Variants in LCORL observed in about 807,000 individuals in gnomAD.
The protein encoded by LCORL is ligand dependent nuclear receptor corepressor like.
Under a neutral mutation model 141.8 loss-of-function variants are expected in LCORL, and 41 were observed. The observed-to-expected ratio is 0.29, with a 90% CI of 0.23 to 0.38. The LOEUF (loss-of-function observed/expected upper bound fraction) is 0.38. Among genes scored for constraint, LCORL ranks in the 10% least tolerant of loss-of-function variants. The pLI, the probability that LCORL is intolerant of heterozygous loss-of-function variation, is 1.00. For synonymous variants in LCORL, 618 were observed against 694.1 expected (o/e 0.89, Z 1.72); for missense variants, 1,759 against 2,035.0 (o/e 0.86, Z 2.61).
intron 4 of LCORL, among the ~76,000 whole-genome samples, chr4:17,935,237 G>C (rs1736653625): frequency 6.6e-6 from 1 of 152,152 alleles, no homozygotes; most frequent in African/African-American, 2.4e-5. Flanking sequence ...AACTATCAAT[G>C]ATAGCAGTGC....
chr4:17,993,931 G>C (rs1478310480), intron 1 of LCORL, among the ~76,000 whole-genome samples: 1 of 152,170 alleles, frequency 6.6e-6, no homozygotes, highest in Non-Finnish European at 1.5e-5. Flanking sequence ...ATTATTTTGA[G>C]GTGGGAGTGA....
intron 2 of LCORL, among the ~76,000 whole-genome samples, chr4:17,963,941 T>C (rs1036723859): frequency 2.6e-4 from 39 of 152,062 alleles, no homozygotes; most frequent in Non-Finnish European, 2.4e-4. Flanking sequence ...TTTCATACTT[T>C]TGAAATACAT....
intron 1 of LCORL, among the ~76,000 whole-genome samples, chr4:18,018,338 G>A (rs1490835109): frequency 6.6e-6 from 1 of 152,054 alleles, no homozygotes; most frequent in Non-Finnish European, 1.5e-5. Flanking sequence ...ATGAGCTACT[G>A]AAAACTATAA....
At chr4:17,959,107 G>A (rs374497910) in intron 4 of LCORL, among the ~76,000 whole-genome samples, 10 of 152,036 alleles carry the variant, frequency 6.6e-5, no homozygotes, top group East Asian at 3.9e-4. Context: ...GTCTTGAGAC[G>A]GTTTAATGCC....
chr4:17,928,637 T>C (rs1388804870), intron 4 of LCORL, among the ~76,000 whole-genome samples: 1 of 152,170 alleles, frequency 6.6e-6, no homozygotes, highest in African/African-American at 2.4e-5. Flanking sequence ...TGGTACTTAA[T>C]GGTGAAAAGC....
intron 4 of LCORL, among the ~76,000 whole-genome samples, chr4:17,925,351 A>C (rs1734950815): frequency 6.6e-6 from 1 of 152,176 alleles, no homozygotes; most frequent in South Asian, 2.1e-4. Flanking sequence ...GTCAATGGGA[A>C]ACTACAGAAG....
intron 6 of LCORL, chr4:17,881,056 T>A (rs907921306): frequency 1.0e-6 from 1 of 977,806 alleles, no homozygotes; most frequent in East Asian, 1.1e-4. Context: ...AAAGTTAGTA[T>A]ACAATTTAAT....
At chr4:17,904,276 G>C (rs1731294495) in intron 5 of LCORL, among the ~76,000 whole-genome samples, 1 of 151,798 alleles carries the variant, frequency 6.6e-6, no homozygotes, top group Non-Finnish European at 1.5e-5. Context: ...TCTGAGACTT[G>C]TCTTTGCCTA....
At position 17,869,910 on chromosome 4, in the gene LCORL, T is replaced by G. The variant is rs950442793; in HGVS notation, c.5602+3478A>C. Among the ~76,000 whole-genome samples, 7 of 152,182 alleles carry G rather than the reference T, an allele frequency of 4.6e-5. No homozygotes were observed. In the East Asian group the frequency reaches 1.3e-3, roughly 29 times the overall value. On this transcript the variant is annotated intron_variant, in intron 7 of 7. Transcript: ENST00000635767. ...CAAAAACCTGGATGTTCTCCCTTTTTTCTTCTAATCTTTAAGACATTGATT... is the reference window on the plus strand; with the variant it reads ...CAAAAACCTGGATGTTCTCCCTTTTGTCTTCTAATCTTTAAGACATTGATT...
chr4:17,848,489 A>G (rs956428624), intron 7 of LCORL, among the ~76,000 whole-genome samples: 3 of 152,234 alleles, frequency 2.0e-5, no homozygotes, highest in African/African-American at 7.2e-5. Context: ...AGCTGAGACT[A>G]CAAGTGTGTG....
At chr4:17,983,231 T>C (rs1414441567) in intron 1 of LCORL, among the ~76,000 whole-genome samples, 1 of 152,230 alleles carries the variant, frequency 6.6e-6, no homozygotes, top group East Asian at 1.9e-4. Context: ...TTGCTTAGGA[T>C]TGCCTTGGCT....
chr4:17,882,548 T>C, intron 6 of LCORL: 1 of 984,724 alleles, frequency 1.0e-6, no homozygotes. Context: ...AGAGTTTACA[T>C]TACTGAAAGT....
intron 5 of LCORL, among the ~76,000 whole-genome samples, chr4:17,906,724 G>GGA (rs1731694295): frequency 7.7e-6 from 1 of 129,718 alleles, no homozygotes; most frequent in Non-Finnish European, 1.6e-5. Flanking sequence ...GTCTTGCTCT[G>GGA]TTGCCAGGCT....
exon 8 of LCORL, chr4:17,842,603 A>ATCTT (rs1388251869): frequency 2.2e-6 from 1 of 445,080 alleles, no homozygotes; most frequent in Non-Finnish European, 4.1e-6. Flanking sequence ...CTTTAGTACT[A>ATCTT]TCTTTAATAT....
At chr4:17,936,972 T>C (rs894160792) in intron 4 of LCORL, among the ~76,000 whole-genome samples, 3 of 152,204 alleles carry the variant, frequency 2.0e-5, no homozygotes, top group Non-Finnish European at 4.4e-5. Flanking sequence ...TCATTTTTTA[T>C]TATCCTGCAA....
chr4:17,842,719 A>ATAAT (rs1156909101), exon 8 of LCORL: 1 of 207,104 alleles, frequency 4.8e-6, no homozygotes, highest in Non-Finnish European at 9.9e-6. Context: ...TACTGATAGA[A>ATAAT]TAATTCTGTC....
chr4:17,877,390 G>T, exon 7 of LCORL: 1 of 1,230,014 alleles, frequency 8.1e-7, no homozygotes, highest in Non-Finnish European at 1.0e-6. Flanking sequence ...TCATTAATGC[G>T]ATCCATTAAA....
At chr4:18,009,761 T>C (rs1723393323) in intron 1 of LCORL, among the ~76,000 whole-genome samples, 1 of 151,864 alleles carries the variant, frequency 6.6e-6, no homozygotes, top group African/African-American at 2.4e-5. Context: ...AGATACCATA[T>C]CACCCTGCTT....
chr4:17,923,172 A>G (rs960656046), intron 4 of LCORL, among the ~76,000 whole-genome samples: 1 of 152,256 alleles, frequency 6.6e-6, no homozygotes, highest in Non-Finnish European at 1.5e-5. Flanking sequence ...TCTGGAGAAC[A>G]GGCATGGAAA....
Sources: gnomAD v4.1 joint callset for allele counts (sites outside exome capture counted in the v4.1 genomes callset) on GRCh38, gnomAD v4.1.1 for gene constraint, MANE v1.5 for transcripts, NCBI Gene and HGNC (gene_info 2026-07-23, HGNC 2026-07-21) for gene names.